The following MYO1E variants were observed in gnomAD, a reference collection of about 807,000 sequenced individuals.
MYO1E encodes the protein myosin IE.
Under a neutral mutation model 151.1 loss-of-function variants are expected in MYO1E, and 68 were observed. The observed-to-expected ratio is 0.45, with a 90% CI of 0.37 to 0.55. The LOEUF is 0.55. MYO1E is among the 20% of genes least tolerant of loss of function. MYO1E has a pLI of 0.00. For missense variants in MYO1E, 1,363 were observed against 1,389.3 expected (o/e 0.98, Z 0.30); for synonymous variants, 601 against 501.7 (o/e 1.20, Z -2.64).
At chr15:59,220,158 A>C (rs927713487) in intron 9 of MYO1E, among the ~76,000 whole-genome samples, 2 of 152,320 alleles carry the variant, frequency 1.3e-5, no homozygotes, top group South Asian at 4.1e-4. Flanking sequence ...AAAAAAACAA[A>C]GCTTGTTTGG....
intron 1 of MYO1E, among the ~76,000 whole-genome samples, chr15:59,353,369 A>AAAAAAAAAAAAAAAAG (rs1178465167): frequency 1.1e-4 from 11 of 96,850 alleles, no homozygotes; most frequent in East Asian, 3.0e-4. Flanking sequence ...AAAAAAAAAA[A>AAAAAAAAAAAAAAAAG]AAAAGAAAAG....
chr15:59,205,337 G>T, intron 15 of MYO1E, 63 bp downstream of exon 15: 1 of 1,508,152 alleles, frequency 6.6e-7, no homozygotes, highest in Non-Finnish European at 9.2e-7. Context: ...TCATAAGTTT[G>T]TTTTCATATT....
Position 59,136,618 on chromosome 15 carries a change from C to T in MYO1E, c.*762G>A. 2.3e-6 allele frequency: 1 copy of T among 440,662 alleles called. No homozygotes were observed. The highest frequency in any genetic ancestry group is 1.6e-5 in the South Asian group (1 of 62,856). The allele number at this position is 440,662 out of a possible 1,614,324, so 27.3% of individuals were successfully genotyped here. A position where few individuals can be genotyped will look rare whatever the true frequency, so the allele number is the denominator to read the frequency against. Reference sequence around the variant, plus strand: ...TACCATCTCAAGATTTTTATATATACAGTATATGATCTGTTTTTATAAATG... The same window carrying T: ...TACCATCTCAAGATTTTTATATATATAGTATATGATCTGTTTTTATAAATG... On this transcript the variant is annotated 3_prime_UTR_variant, in exon 28 of 28. Transcript: ENST00000288235.
At chr15:59,144,141 T>C (rs1240284494) in intron 26 of MYO1E, among the ~76,000 whole-genome samples, 1 of 152,058 alleles carries the variant, frequency 6.6e-6, no homozygotes, top group Non-Finnish European at 1.5e-5. Flanking sequence ...TAGGTCCTTT[T>C]TCTTTTTCCT....
intron 1 of MYO1E, among the ~76,000 whole-genome samples, chr15:59,324,303 TA>T (rs1293437953): frequency 1.3e-5 from 2 of 150,654 alleles, no homozygotes; most frequent in Admixed American, 6.6e-5. Flanking sequence ...GTTTTCAAAT[TA>T]AAAAAAAAGG....
intron 6 of MYO1E, among the ~76,000 whole-genome samples, chr15:59,231,222 C>A (rs115843095): frequency 4.7e-4 from 72 of 152,274 alleles, no homozygotes; most frequent in African/African-American, 1.7e-3. Context: ...GCAGGCAGCT[C>A]GCTCTGAGGG....
At chr15:59,144,117 T>C (rs1222268476) in intron 26 of MYO1E, among the ~76,000 whole-genome samples, 1 of 152,186 alleles carries the variant, frequency 6.6e-6, no homozygotes. Flanking sequence ...CCTGAGCAGA[T>C]TCAGGCAATG....
rs1264355169 is a variant in MYO1E, at chr15:59,188,200, C to T, written c.1822G>A (p.Glu608Lys). The T allele has an allele frequency of 5.6e-6, 9 of 1,613,924 alleles. No individual in the cohort carries two copies. The highest frequency in any genetic ancestry group is 1.1e-5 in the South Asian group (1 of 91,068). The change falls in exon 18 of 28, where the codon GAA (glutamate) becomes AAA (lysine). Residue 608 changes from glutamate (E) to lysine (K), a missense_variant. By Grantham distance (56) the Glu-to-Lys change is moderately conservative. Coordinates refer to ENST00000288235, the MANE Select transcript of MYO1E (RefSeq NM_004998.4). ...WEESRVKHQV[E>K]YLGLKENIRV... is the part of the protein sequence containing the mutation. ...ATGTTCTCTTTCAGACCCAAATATT[C>T]GACTTGATGCTTTACCCTGTGCAAA...
chr15:59,330,946 A>G (rs146827186), intron 1 of MYO1E, among the ~76,000 whole-genome samples: 2 of 151,880 alleles, frequency 1.3e-5, no homozygotes, highest in Admixed American at 6.6e-5. Context: ...ACTTTTTAAA[A>G]ATCTGCGGAG....
intron 18 of MYO1E, among the ~76,000 whole-genome samples, chr15:59,179,712 C>A (rs759009091): frequency 1.3e-5 from 2 of 152,214 alleles, no homozygotes; most frequent in Non-Finnish European, 2.9e-5. Context: ...TGTAAAAAAG[C>A]CATGGACTGG....
intron 5 of MYO1E, among the ~76,000 whole-genome samples, chr15:59,234,822 C>CAAAA (rs3053017): frequency 1.8e-4 from 18 of 102,166 alleles, no homozygotes; most frequent in East Asian, 8.0e-4. Context: ...GACCCCATCT[C>CAAAA]AAAAAAAAAA....
rs531950999 is a variant in MYO1E at position 59,173,614 on chromosome 15, T to C, written c.2334+132A>G. 4.7e-5 allele frequency: 51 copies of C among 1,084,916 alleles called. 1 individual carries two copies. The South Asian group carries it at 6.6e-4, about 14-fold the overall frequency. 67.2% of individuals were successfully genotyped at this position (1,084,916 alleles called of 1,614,324 possible). ...GCATAGGTGCCTGTTTATCTTTTGG[T>C]TTACTGTATTTTCTCTAAATTTTTC... On this transcript the variant is annotated intron_variant, in intron 21 of 27. Transcript: ENST00000288235.
At chr15:59,304,572 C>A (rs1400478466) in intron 1 of MYO1E, among the ~76,000 whole-genome samples, 1 of 152,152 alleles carries the variant, frequency 6.6e-6, no homozygotes, top group Non-Finnish European at 1.5e-5. Context: ...TCTTTGCCTT[C>A]TTTTTCCTCA....
intron 1 of MYO1E, among the ~76,000 whole-genome samples, chr15:59,355,993 A>T (rs1298198256): frequency 6.6e-6 from 1 of 152,226 alleles, no homozygotes; most frequent in Non-Finnish European, 1.5e-5. Flanking sequence ...TGCTGGGATT[A>T]TAAGTGTGAG....
intron 2 of MYO1E, among the ~76,000 whole-genome samples, chr15:59,265,944 G>A (rs1409367127): frequency 6.6e-6 from 1 of 151,598 alleles, no homozygotes; most frequent in African/African-American, 2.4e-5. Flanking sequence ...TCCAGCTTAG[G>A]TGACAGAGCA....
At chr15:59,345,313 C>T (rs1170173359) in intron 1 of MYO1E, among the ~76,000 whole-genome samples, 1 of 151,744 alleles carries the variant, frequency 6.6e-6, no homozygotes, top group African/African-American at 2.4e-5. Context: ...CATAAAAAAG[C>T]AAAGGTATCA....
rs2079965018 is a variant in MYO1E, at chr15:59,222,919, C to G, written c.910+140G>C. Reference sequence around the variant, plus strand: ...AGGTCTGGTCTCTCGTGAAGCCATTCTGTTTGCCACAGAGGACATGTAGAT... The same window carrying G: ...AGGTCTGGTCTCTCGTGAAGCCATTGTGTTTGCCACAGAGGACATGTAGAT... On this transcript the variant is annotated intron_variant, in intron 9 of 27. Transcript: ENST00000288235. 33 of 1,321,532 alleles carry G rather than the reference C, an allele frequency of 2.5e-5. 1 individual carries two copies. The South Asian group carries it at 4.4e-4, about 18-fold the overall frequency. 81.9% of individuals were successfully genotyped at this position (1,321,532 alleles called of 1,614,324 possible).
intron 16 of MYO1E, among the ~76,000 whole-genome samples, chr15:59,197,561 T>C (rs772635569): frequency 2.6e-5 from 4 of 152,224 alleles, no homozygotes; most frequent in Non-Finnish European, 5.9e-5. Context: ...TCCTGTTTTT[T>C]AGATGAGAAA....
Position 59,270,479 on chromosome 15 carries a change from G to A in MYO1E, c.147+1827C>T, listed in dbSNP as rs139586742. Among the ~76,000 whole-genome samples the A allele has an allele frequency of 5.7e-3, 855 of 150,572 alleles. 7 individuals carry two copies. The highest frequency in any genetic ancestry group is 0.019 in the African/African-American group (784 of 40,826). ...GATCACCTGAGCCGGGGAGGCGGAGGTTGCAGTGAGCTGGGATCGTGCCAC... is the reference window on the plus strand; with the variant it reads ...GATCACCTGAGCCGGGGAGGCGGAGATTGCAGTGAGCTGGGATCGTGCCAC... On this transcript the variant is annotated intron_variant, in intron 2 of 27. Coordinates refer to ENST00000288235, the MANE Select transcript of MYO1E (RefSeq NM_004998.4).
Sources: allele counts gnomAD v4.1 joint callset (sites outside exome capture counted in the v4.1 genomes callset), GRCh38; gene constraint gnomAD v4.1.1; transcripts MANE v1.5; gene names NCBI Gene and HGNC (gene_info 2026-07-23, HGNC 2026-07-21).